The following PRKN variants were observed in gnomAD, a reference collection of about 807,000 sequenced individuals.
PRKN encodes the protein E3 ubiquitin-protein ligase parkin.
PRKN carries 56 observed loss-of-function variants against 59.5 expected under a neutral mutation model. The observed-to-expected ratio is 0.94, with a 90% confidence interval of 0.76 to 1.18. PRKN has a LOEUF of 1.18. PRKN is among the 50% of genes most tolerant of loss of function. The probability of loss-of-function intolerance (pLI) is 0.00; values close to 1 mark genes in which losing one functional copy is unlikely to be tolerated. For synonymous variants in PRKN, 250 were observed against 222.1 expected, an observed-to-expected ratio of 1.13 and a Z score of -1.12; for missense variants, 657 against 596.4, an observed-to-expected ratio of 1.10 and a Z score of -1.06.
At chr6:162,245,993 TTCTC>T (rs1303722290) in intron 3 of PRKN, among the ~76,000 whole-genome samples, 1 of 152,182 alleles carries the variant, frequency 6.6e-6, no homozygotes, top group African/African-American at 2.4e-5. Context: ...ATTTTTGTGA[TTCTC>T]TATCTTCTTT....
rs1199326733 is a variant in PRKN at position 162,056,085 on chromosome 6, C to T, written c.535-1911G>A. The stretch of plus-strand genomic sequence containing the variant: ...TACATACACGTGCACACACATCCCA[C>T]ACACCTCACACACCCCACACACATA... On this transcript the variant is annotated intron_variant, in intron 4 of 11. Coordinates refer to ENST00000366898, the MANE Select transcript of PRKN (RefSeq NM_004562.3). This position sits in a 1 kb window ranked among gnomAD's most constrained non-coding sequence, Gnocchi z 4.9. Among the ~76,000 whole-genome samples, 1 of 150,694 alleles carries T rather than the reference C, an allele frequency of 6.6e-6. No individual in the cohort carries two copies. The highest frequency in any genetic ancestry group is 2.4e-5 in the African/African-American group (1 of 40,900).
chr6:161,783,525 T>C (rs965611939), intron 7 of PRKN: 2 of 443,196 alleles, frequency 4.5e-6, no homozygotes, highest in African/African-American at 4.2e-5. Flanking sequence ...TTTCCTTACT[T>C]TTGTATGTTT....
chr6:161,994,805 T>C (rs1012706629), intron 5 of PRKN, among the ~76,000 whole-genome samples: 1 of 151,706 alleles, frequency 6.6e-6, no homozygotes, highest in Admixed American at 6.6e-5. Context: ...ATGAAAGAAA[T>C]TGAAGATGAC....
chr6:161,993,633 T>C (rs747514652), intron 5 of PRKN, among the ~76,000 whole-genome samples: 11 of 152,170 alleles, frequency 7.2e-5, no homozygotes, highest in Admixed American at 2.6e-4. Context: ...CAGATAAGGA[T>C]ACAAGAACAA....
intron 7 of PRKN, among the ~76,000 whole-genome samples, chr6:161,735,869 T>C (rs1248143769): frequency 1.3e-5 from 2 of 151,972 alleles, no homozygotes; most frequent in Non-Finnish European, 2.9e-5. Context: ...GAGCCGAGAT[T>C]GCTCCATTGT....
At chr6:161,680,726 CAT>C (rs56954052) in intron 7 of PRKN, among the ~76,000 whole-genome samples, 57 of 51,014 alleles carry the variant, frequency 1.1e-3, no homozygotes, top group African/African-American at 1.5e-3. Flanking sequence ...TCCTGAAATA[CAT>C]ATATATATAT....
At position 161,529,079 on chromosome 6, in the gene PRKN, G is replaced by C. The variant is rs1180724138; in HGVS notation, c.1083+19775C>G. ...TAGGAGTCTGCTACTTAAAACAGCT[G>C]TCTTATGTCTATGAGATATACGAGC... On this transcript the variant is annotated intron_variant, in intron 9 of 11. Transcript: ENST00000366898. This position sits in a 1 kb window ranked among gnomAD's most constrained non-coding sequence, Gnocchi z 4.4. 6.6e-6 allele frequency among the ~76,000 whole-genome samples: 1 copy of C among 152,126 alleles called. No homozygotes were observed. The highest frequency in any genetic ancestry group is 1.5e-5 in the Non-Finnish European group (1 of 68,028).
rs986316320 is a variant in PRKN, at chr6:161,576,298, C to T, written c.872-6882G>A. The stretch of plus-strand genomic sequence containing the variant: ...AAGGATTATTCATGCATTCTTTCTC[C>T]GTAGCCAATACTTGCTGTCTCAAGA... On this transcript the variant is annotated intron_variant, in intron 7 of 11. Coordinates refer to ENST00000366898, the MANE Select transcript of PRKN (RefSeq NM_004562.3). The surrounding 1 kb of genome is among the most constrained non-coding windows in gnomAD (Gnocchi z 4.6). 2.0e-5 allele frequency among the ~76,000 whole-genome samples: 3 copies of T among 152,132 alleles called. No homozygotes were observed. Among genetic ancestry groups the T allele is most frequent in the Admixed American group, 6.5e-5 (1 of 15,272 alleles).
intron 7 of PRKN, among the ~76,000 whole-genome samples, chr6:161,729,104 T>C (rs1326504291): frequency 1.3e-5 from 2 of 152,252 alleles, no homozygotes; most frequent in Non-Finnish European, 2.9e-5. Flanking sequence ...ACTCTTCCCA[T>C]GAAGTATAAT....
At chr6:161,697,368 A>C (rs965942529) in intron 7 of PRKN, among the ~76,000 whole-genome samples, 4 of 152,188 alleles carry the variant, frequency 2.6e-5, no homozygotes, top group African/African-American at 4.8e-5. Flanking sequence ...GAAAAGCTAC[A>C]AAGATGAAGG....
At chr6:161,694,757 T>C (rs1165232721) in intron 7 of PRKN, among the ~76,000 whole-genome samples, 1 of 152,194 alleles carries the variant, frequency 6.6e-6, no homozygotes. Context: ...GACTCCCTGT[T>C]TGCTAACATG....
At chr6:162,016,655 T>C (rs978662772) in intron 5 of PRKN, among the ~76,000 whole-genome samples, 2 of 152,136 alleles carry the variant, frequency 1.3e-5, no homozygotes, top group African/African-American at 4.8e-5. Flanking sequence ...CCATCCCCAC[T>C]GGTCACTCAA....
chr6:161,500,849 C>T (rs541922567), intron 9 of PRKN, among the ~76,000 whole-genome samples: 1 of 149,236 alleles, frequency 6.7e-6, no homozygotes, highest in Non-Finnish European at 1.5e-5. Context: ...ATATGGTAAG[C>T]GTATGTTTAG....
chr6:162,157,390 C>T (rs1389902698), intron 4 of PRKN, among the ~76,000 whole-genome samples: 1 of 151,880 alleles, frequency 6.6e-6, no homozygotes, highest in Non-Finnish European at 1.5e-5. Flanking sequence ...TGGCTCACTT[C>T]CTCATCAAGG....
intron 2 of PRKN, among the ~76,000 whole-genome samples, chr6:162,290,885 T>C (rs1781399392): frequency 6.6e-6 from 1 of 152,184 alleles, no homozygotes; most frequent in Non-Finnish European, 1.5e-5. Flanking sequence ...AGGATAACTC[T>C]AAAAATGAAC....
chr6:162,275,898 C>T (rs1437384292), intron 2 of PRKN, among the ~76,000 whole-genome samples: 3 of 152,124 alleles, frequency 2.0e-5, no homozygotes, highest in Non-Finnish European at 4.4e-5. Context: ...AGAATGGGAT[C>T]CTGAACTGTG....
intron 7 of PRKN, among the ~76,000 whole-genome samples, chr6:161,720,942 T>A (rs1425627060): frequency 6.6e-6 from 1 of 152,190 alleles, no homozygotes; most frequent in East Asian, 1.9e-4. Context: ...TTCCCGTTCA[T>A]AATGCAGACA....
rs10683923 is a variant in PRKN at position 161,779,440 on chromosome 6, C to CTTTTTTTTTTTTTTT, written c.871+6317_871+6331dup. On this transcript the variant is annotated intron_variant, in intron 7 of 11. Coordinates refer to ENST00000366898, the MANE Select transcript of PRKN (RefSeq NM_004562.3). ...TTTTTTTCTCTTTTTCTTTTCTTTTCTTTTTTTTTTTTTTTTTTTTTTGAG... is the reference window on the plus strand; with the variant it reads ...TTTTTTTCTCTTTTTCTTTTCTTTTCTTTTTTTTTTTTTTTTTTTTTTTTTTTTTTTTTTTTTGAG... Among the ~76,000 whole-genome samples the CTTTTTTTTTTTTTTT allele has an allele frequency of 6.9e-3, 289 of 41,836 alleles. 73 individuals carry two copies. Among genetic ancestry groups the CTTTTTTTTTTTTTTT allele is most frequent in the Admixed American group, 0.012 (22 of 1,864 alleles). The allele number at this position is 41,836 out of a possible 152,430, so 27.4% of individuals were successfully genotyped here. A position where few individuals can be genotyped will look rare whatever the true frequency, so the allele number is the denominator to read the frequency against.
At chr6:162,367,388 T>C (rs2128135713) in intron 2 of PRKN, among the ~76,000 whole-genome samples, 1 of 152,316 alleles carries the variant, frequency 6.6e-6, no homozygotes, top group South Asian at 2.1e-4. Context: ...ACATTTTCTT[T>C]TGAAAATGTG....
Sources: allele counts gnomAD v4.1 joint callset (sites outside exome capture counted in the v4.1 genomes callset), GRCh38; gene constraint gnomAD v4.1.1; non-coding constraint Gnocchi (gnomAD v3.1); transcripts MANE v1.5; gene names NCBI Gene and HGNC (gene_info 2026-07-23, HGNC 2026-07-21).